The following HPS3 variants were observed in gnomAD, a reference collection of about 807,000 sequenced individuals.
The protein encoded by HPS3 is BLOC-2 complex member HPS3.
Under a neutral mutation model 110.9 loss-of-function variants are expected in HPS3, and 79 were observed. The ratio of observed to expected loss-of-function variants is 0.71; its 90% CI spans 0.59 to 0.86. The LOEUF (loss-of-function observed/expected upper bound fraction) is 0.86, where lower values mean the gene tolerates loss of function less well. Among genes scored for constraint, HPS3 ranks in the 40% least tolerant of loss-of-function variants. HPS3 has a pLI of 0.00. For missense variants in HPS3, 1,197 were observed against 1,206.2 expected (o/e 0.99, Z 0.11); for synonymous variants, 428 against 451.0 (o/e 0.95, Z 0.65).
chr3:149,166,402 T>A (rs1182265098), intron 14 of HPS3, among the ~76,000 whole-genome samples: 2 of 152,196 alleles, frequency 1.3e-5, no homozygotes, highest in African/African-American at 4.8e-5. Context: ...TGTTGTCCCA[T>A]CCTGTGTGCT....
chr3:149,163,516 TAAAG>T (rs919390588), intron 13 of HPS3, among the ~76,000 whole-genome samples: 2 of 152,256 alleles, frequency 1.3e-5, no homozygotes, highest in Non-Finnish European at 2.9e-5. Flanking sequence ...TTTTGCCTTC[TAAAG>T]AAAGTAGTAT....
At chr3:149,144,214 GAA>G (rs59146279) in intron 4 of HPS3, among the ~76,000 whole-genome samples, 8 of 123,610 alleles carry the variant, frequency 6.5e-5, no homozygotes, top group East Asian at 2.4e-4. Flanking sequence ...GTCTCTACTA[GAA>G]AAAAAAAAAA....
chr3:149,139,452 A>G (rs757385841), intron 1 of HPS3, among the ~76,000 whole-genome samples: 6 of 152,166 alleles, frequency 3.9e-5, no homozygotes, highest in East Asian at 1.9e-4. Context: ...CCACGTTACC[A>G]TTTTGACTTC....
intron 1 of HPS3, among the ~76,000 whole-genome samples, chr3:149,131,411 C>T (rs570018161): frequency 6.6e-6 from 1 of 152,216 alleles, no homozygotes; most frequent in East Asian, 1.9e-4. Context: ...CTACATGTCT[C>T]TTGAGTCACA....
At chr3:149,130,991 G>C (rs1426257048) in intron 1 of HPS3, among the ~76,000 whole-genome samples, 1 of 152,060 alleles carries the variant, frequency 6.6e-6, no homozygotes, top group Non-Finnish European at 1.5e-5. Flanking sequence ...TATTTACGTT[G>C]CAAAAGCTGG....
chr3:149,135,305 G>A (rs1430047744), intron 1 of HPS3, among the ~76,000 whole-genome samples: 1 of 152,126 alleles, frequency 6.6e-6, no homozygotes, highest in Non-Finnish European at 1.5e-5. Flanking sequence ...ATACGGTTTG[G>A]CTGTGTCCTC....
intron 5 of HPS3, among the ~76,000 whole-genome samples, chr3:149,147,368 A>G (rs1722838850): frequency 1.3e-5 from 2 of 152,316 alleles, no homozygotes; most frequent in South Asian, 2.1e-4. Flanking sequence ...GAGTATGTAG[A>G]TAGTGAAAAG....
At chr3:149,131,825 G>A (rs542109586) in intron 1 of HPS3, among the ~76,000 whole-genome samples, 76 of 152,322 alleles carry the variant, frequency 5.0e-4, no homozygotes, top group African/African-American at 1.6e-3. Context: ...AGTTGTGACT[G>A]CAAAGGAAAA....
At chr3:149,141,515 C>CA in intron 4 of HPS3, 135 bp downstream of exon 4, 1 of 510,468 alleles carries the variant, frequency 2.0e-6, no homozygotes, top group Non-Finnish European at 3.5e-6. Flanking sequence ...GGCCCTTTAA[C>CA]AAAGTTTTTT....
chr3:149,131,061 A>G (rs944202905), intron 1 of HPS3, among the ~76,000 whole-genome samples: 1 of 151,572 alleles, frequency 6.6e-6, no homozygotes, highest in African/African-American at 2.4e-5. Context: ...TCTCTCTCTA[A>G]TCCCTACCCC....
chr3:149,134,538 C>G (rs1406720807), intron 1 of HPS3, among the ~76,000 whole-genome samples: 1 of 152,160 alleles, frequency 6.6e-6, no homozygotes, highest in East Asian at 1.9e-4. Context: ...CTTGGATGGC[C>G]ACTACCTATG....
intron 1 of HPS3, among the ~76,000 whole-genome samples, chr3:149,139,057 A>G (rs1292401207): frequency 6.6e-6 from 1 of 152,220 alleles, no homozygotes; most frequent in Non-Finnish European, 1.5e-5. Flanking sequence ...AAATAAATAT[A>G]TAGATATAAG....
At position 149,140,441 on chromosome 3, in the gene HPS3, G is replaced by T. The variant is rs1559908974; in HGVS notation, c.655G>T (p.Glu219Ter). 2 of 1,613,122 alleles carry T rather than the reference G, an allele frequency of 1.2e-6. No homozygotes were observed. Among genetic ancestry groups the T allele is most frequent in the Non-Finnish European group, 1.7e-6 (2 of 1,179,676 alleles). ...ACTGGAGTCAGGCCCTAAAAATGGA[G>T]AGAGAGTTCACCACCATCCACATAA... ...VKLESGPKNG[E>*]RVHHHPHKTN... The change falls in exon 2 of 17, where the codon GAG becomes TAG. Residue 219 changes from glutamate to a stop codon, truncating the protein, a stop_gained. Transcript: ENST00000296051. LOFTEE classifies it high-confidence loss of function.
intron 12 of HPS3, 86 bp from the exon 13 acceptor site, chr3:149,162,604 T>C (rs769873099): frequency 1.5e-5 from 20 of 1,366,822 alleles, no homozygotes; most frequent in Non-Finnish European, 2.1e-5. Flanking sequence ...GCGTGGCCCA[T>C]GTGATGCTGT....
chr3:149,146,017 G>A (rs1255503351), intron 5 of HPS3, among the ~76,000 whole-genome samples: 1 of 152,224 alleles, frequency 6.6e-6, no homozygotes, highest in Non-Finnish European at 1.5e-5. Flanking sequence ...TTGTTACAGA[G>A]AGGTTAGAAT....
In HPS3 at chr3:149,153,551, T is replaced by C. The variant is rs1302486191; in HGVS notation, c.1303T>C (p.Leu435=). 1.9e-6 allele frequency: 3 copies of C among 1,614,074 alleles called. No individual in the cohort carries two copies. The East Asian group carries it at 6.7e-5, about 36-fold the overall frequency. The part of the protein sequence containing the change: ...CALRIQLFIG[L]KAICHFKNHI... ...TTTAAGAATACAGCTTTTCATAGGC[T>C]TGAAAGCCATCTGTCACTTTAAAAA... The change falls in exon 7 of 17, where the codon TTG becomes CTG. Residue 435 remains leucine, a synonymous_variant. Coordinates refer to ENST00000296051, the MANE Select transcript of HPS3 (RefSeq NM_032383.5).
intron 16 of HPS3, among the ~76,000 whole-genome samples, chr3:149,170,096 C>G (rs1724823325): frequency 6.6e-6 from 1 of 152,110 alleles, no homozygotes; most frequent in South Asian, 2.1e-4. Flanking sequence ...TAAATAAAAA[C>G]CTCAAAGGAT....
At chr3:149,168,197 C>T in intron 16 of HPS3, 1 of 528,008 alleles carries the variant, frequency 1.9e-6, no homozygotes, top group East Asian at 3.3e-5. Flanking sequence ...TTAACTTAAT[C>T]CTTTCAAACA....
rs758549653 is a variant in HPS3 at position 149,145,380 on chromosome 3, T to G, written c.997T>G (p.Leu333Val). 3.7e-6 allele frequency: 6 copies of G among 1,613,850 alleles called. No homozygotes were observed. The African/African-American group carries it at 6.7e-5, about 18-fold the overall frequency. ...TTCTCTTACATCTGATGGAAAAAAT[T>G]TGTCTCAGGAAAAAGAATTGCTGAG... is the stretch of plus-strand genomic sequence containing the variant. The part of the protein sequence containing the change: ...TGSLTSDGKN[L>V]SQEKELLSLF... Residue 333 changes from leucine (L) to valine (V), a missense_variant, in exon 5 of 17, where the codon TTG becomes GTG. Leu to Val is a conservative substitution (Grantham distance 32). Transcript: ENST00000296051.
Sources: gnomAD v4.1 joint callset for allele counts (sites outside exome capture counted in the v4.1 genomes callset) on GRCh38, gnomAD v4.1.1 for gene constraint, MANE v1.5 for transcripts, NCBI Gene and HGNC (gene_info 2026-07-23, HGNC 2026-07-21) for gene names.